Variants in GALNTL6 observed in about 807,000 individuals in gnomAD.
GALNTL6 encodes the protein polypeptide N-acetylgalactosaminyltransferase-like 6.
GALNTL6 carries 46 observed loss-of-function variants against 73.7 expected under a neutral mutation model. The ratio of observed to expected loss-of-function variants is 0.62; its 90% CI spans 0.49 to 0.80. GALNTL6 has a LOEUF of 0.80. Ranked by LOEUF, GALNTL6 falls within the 30% of genes least tolerant of loss-of-function variation. GALNTL6 has a pLI of 0.00. For synonymous variants in GALNTL6, 259 were observed against 263.7 expected, an observed-to-expected ratio of 0.98 and a Z score of 0.17; for missense variants, 604 against 755.0, an observed-to-expected ratio of 0.80 and a Z score of 2.34.
At chr4:172,045,642 T>A (rs1742197826) in intron 2 of GALNTL6, among the ~76,000 whole-genome samples, 1 of 151,968 alleles carries the variant, frequency 6.6e-6, no homozygotes. Context: ...GCATGTGAAC[T>A]GATATTTCAT....
chr4:171,859,406 C>A (rs1157627452), intron 2 of GALNTL6, among the ~76,000 whole-genome samples: 1 of 152,044 alleles, frequency 6.6e-6, no homozygotes, highest in Non-Finnish European at 1.5e-5. Flanking sequence ...CCATGACTAA[C>A]CTGAGGTGTC....
chr4:173,029,524 G>A (rs1753371939), intron 12 of GALNTL6, among the ~76,000 whole-genome samples: 1 of 152,186 alleles, frequency 6.6e-6, no homozygotes. Flanking sequence ...TGTCAACAAA[G>A]AAAGTAGAAT....
intron 5 of GALNTL6, among the ~76,000 whole-genome samples, chr4:172,441,945 G>A (rs1731852554): frequency 6.6e-6 from 1 of 152,134 alleles, no homozygotes; most frequent in South Asian, 2.1e-4. Context: ...AAAGCTGAAA[G>A]CCAAAGAAAT....
chr4:172,493,457 A>G (rs1011731966), intron 5 of GALNTL6, among the ~76,000 whole-genome samples: 8 of 152,236 alleles, frequency 5.3e-5, no homozygotes. Flanking sequence ...AGGAAGGACA[A>G]TTACATTGCA....
At chr4:172,108,408 C>T (rs1732747489) in intron 2 of GALNTL6, among the ~76,000 whole-genome samples, 1 of 152,156 alleles carries the variant, frequency 6.6e-6, no homozygotes, top group Non-Finnish European at 1.5e-5. Context: ...CAGAAAGACC[C>T]AGGAGAGCCA....
At chr4:172,380,239 C>T (rs1743229942) in intron 5 of GALNTL6, 3 of 909,712 alleles carry the variant, frequency 3.3e-6, no homozygotes, top group East Asian at 4.9e-5. Context: ...GTATTCTCCC[C>T]AACTTGTCTA....
intron 2 of GALNTL6, among the ~76,000 whole-genome samples, chr4:171,873,795 G>C (rs569170871): frequency 1.2e-4 from 18 of 152,240 alleles, no homozygotes; most frequent in African/African-American, 4.1e-4. Context: ...ATTTCAGACT[G>C]TACTTAACTA....
At chr4:172,562,622 C>T (rs773431839) in intron 5 of GALNTL6, among the ~76,000 whole-genome samples, 3 of 152,238 alleles carry the variant, frequency 2.0e-5, no homozygotes, top group Admixed American at 6.5e-5. Flanking sequence ...AAACCCTTAT[C>T]CCGGCCTCTT....
chr4:173,002,175 A>C (rs540913732), intron 10 of GALNTL6, among the ~76,000 whole-genome samples: 142 of 152,262 alleles, frequency 9.3e-4, no homozygotes. Context: ...GCAGATCAAG[A>C]GGTCAGGAGA....
intron 2 of GALNTL6, among the ~76,000 whole-genome samples, chr4:171,896,944 C>T (rs561446176): frequency 6.6e-6 from 1 of 151,840 alleles, no homozygotes; most frequent in South Asian, 2.1e-4. Flanking sequence ...AAAACAAAAG[C>T]CAAATGGGAA....
intron 5 of GALNTL6, among the ~76,000 whole-genome samples, chr4:172,429,304 C>T (rs747231771): frequency 5.3e-5 from 8 of 151,590 alleles, no homozygotes; most frequent in Non-Finnish European, 1.0e-4. Flanking sequence ...CTCTGCATTC[C>T]GGGTTCAAGC....
chr4:172,644,190 T>G (rs970799114), intron 5 of GALNTL6, among the ~76,000 whole-genome samples: 1 of 151,894 alleles, frequency 6.6e-6, no homozygotes, highest in Non-Finnish European at 1.5e-5. Context: ...CTTGATAAAT[T>G]TATATGTATA....
At chr4:173,007,525 G>A (rs893742836) in intron 10 of GALNTL6, among the ~76,000 whole-genome samples, 1 of 152,152 alleles carries the variant, frequency 6.6e-6, no homozygotes, top group African/African-American at 2.4e-5. Flanking sequence ...ATGATGGAAG[G>A]GCCAGGCGTG....
Position 173,021,462 on chromosome 4 carries a change from T to G in GALNTL6, c.1489-14T>G, listed in dbSNP as rs1159138638. Reference sequence around the variant, plus strand: ...AAACTCACTGCAGCTTTTCTGCTACTGTTGCTTTGCTAGCTTTTTACCTTT... The same window carrying G: ...AAACTCACTGCAGCTTTTCTGCTACGGTTGCTTTGCTAGCTTTTTACCTTT... On this transcript the variant is annotated splice_polypyrimidine_tract_variant and intron_variant, in intron 11 of 12. Coordinates refer to ENST00000506823, the MANE Select transcript of GALNTL6 (RefSeq NM_001034845.3). 2.5e-6 allele frequency: 4 copies of G among 1,613,802 alleles called. No homozygotes were observed. Among genetic ancestry groups the G allele is most frequent in the Non-Finnish European group, 3.4e-6 (4 of 1,179,854 alleles).
At chr4:171,959,859 C>G (rs1214448402) in intron 2 of GALNTL6, among the ~76,000 whole-genome samples, 1 of 152,178 alleles carries the variant, frequency 6.6e-6, no homozygotes, top group East Asian at 1.9e-4. Flanking sequence ...TTTATCCACA[C>G]TCAACAATGA....
chr4:172,222,206 A>G (rs1261806539), intron 2 of GALNTL6, among the ~76,000 whole-genome samples: 1 of 151,934 alleles, frequency 6.6e-6, no homozygotes, highest in Non-Finnish European at 1.5e-5. Flanking sequence ...ACCTCTGCCT[A>G]TGCAAAGAGG....
At chr4:172,954,023 C>A (rs1490907626) in intron 10 of GALNTL6, among the ~76,000 whole-genome samples, 2 of 152,132 alleles carry the variant, frequency 1.3e-5, no homozygotes, top group African/African-American at 2.4e-5. Flanking sequence ...TGTCATCTTT[C>A]TATGATGATT....
At chr4:172,529,863 T>TTTTATTTTATTTATTTA (rs1554032972) in intron 5 of GALNTL6, among the ~76,000 whole-genome samples, 163 of 138,688 alleles carry the variant, frequency 1.2e-3, no homozygotes, top group Middle Eastern at 3.7e-3. Context: ...TTTATTTTTA[T>TTTTATTTTATTTATTTA]TTTATTTATT....
chr4:172,086,028 TAG>T (rs2110930463), intron 2 of GALNTL6, among the ~76,000 whole-genome samples: 1 of 152,250 alleles, frequency 6.6e-6, no homozygotes, highest in Non-Finnish European at 1.5e-5. Flanking sequence ...TACACCACCA[TAG>T]AGAGTTTGTC....
Sources: allele counts gnomAD v4.1 joint callset (sites outside exome capture counted in the v4.1 genomes callset), GRCh38; gene constraint gnomAD v4.1.1; transcripts MANE v1.5; gene names NCBI Gene and HGNC (gene_info 2026-07-23, HGNC 2026-07-21).